BCL2L13: variants seen among roughly 807,000 people sequenced by gnomAD.
The protein encoded by BCL2L13 is bcl-2-like protein 13.
BCL2L13 carries 13 observed loss-of-function variants against 25.8 expected under a neutral mutation model. The observed-to-expected ratio is 0.50, with a 90% CI of 0.33 to 0.80. BCL2L13 has a LOEUF of 0.80. Among genes scored for constraint, BCL2L13 ranks in the 30% least tolerant of loss-of-function variants. The pLI, the probability that BCL2L13 is intolerant of heterozygous loss-of-function variation, is 0.02. For missense variants in BCL2L13, 504 were observed against 574.9 expected (o/e 0.88, Z 1.26); for synonymous variants, 244 against 230.3 (o/e 1.06, Z -0.54).
chr22:17,710,693 G>A (rs898048290), intron 6 of BCL2L13, among the ~76,000 whole-genome samples: 161 of 152,092 alleles, frequency 1.1e-3, no homozygotes, highest in Non-Finnish European at 2.0e-3. Flanking sequence ...TGGCTAACAC[G>A]GTGAAACCCC....
At chr22:17,693,324 T>TTTGGGGTAG (rs1189126070) in intron 4 of BCL2L13, among the ~76,000 whole-genome samples, 1 of 149,978 alleles carries the variant, frequency 6.7e-6, no homozygotes, top group African/African-American at 2.4e-5. Context: ...GAAAAATGCC[T>TTTGGGGTAG]TTGGGGTAGT....
intron 6 of BCL2L13, among the ~76,000 whole-genome samples, chr22:17,704,236 C>T (rs1211502395): frequency 6.6e-6 from 1 of 152,046 alleles, no homozygotes; most frequent in African/African-American, 2.4e-5. Context: ...CAGGTGTGTG[C>T]CACCATGACC....
intron 6 of BCL2L13, chr22:17,706,788 T>C (rs1442980895): frequency 1.5e-6 from 2 of 1,351,932 alleles, no homozygotes; most frequent in African/African-American, 3.0e-5. Context: ...GTTAGAAGTC[T>C]GTCTGTCTCC....
chr22:17,677,821 G>A (rs951474878), intron 2 of BCL2L13, among the ~76,000 whole-genome samples: 13 of 151,680 alleles, frequency 8.6e-5, no homozygotes, highest in African/African-American at 2.9e-4. Flanking sequence ...GCAGTGAGGC[G>A]AGATCGCGCC....
At chr22:17,629,073 A>G (rs1184818164) in intron 1 of BCL2L13, 2 of 165,368 alleles carry the variant, frequency 1.2e-5, no homozygotes, top group Admixed American at 1.2e-4. Context: ...GCTTAGGGGT[A>G]CATGATTGTT....
intron 5 of BCL2L13, among the ~76,000 whole-genome samples, chr22:17,700,369 G>C (rs1001370017): frequency 3.3e-5 from 5 of 152,096 alleles, no homozygotes; most frequent in Non-Finnish European, 7.4e-5. Flanking sequence ...TCTGCTTTTC[G>C]ATATATGAAA....
upstream of BCL2L13, chr22:17,638,747 G>A (rs932834121): frequency 8.1e-6 from 10 of 1,231,742 alleles, no homozygotes; most frequent in Non-Finnish European, 1.0e-5. Flanking sequence ...AGGCACGCCG[G>A]GGTGACCTCA....
intron 2 of BCL2L13, among the ~76,000 whole-genome samples, chr22:17,667,963 C>CTTT (rs71201863): frequency 6.6e-4 from 47 of 71,624 alleles, no homozygotes; most frequent in African/African-American, 1.1e-3. Flanking sequence ...TCCAGTTTGT[C>CTTT]TTTTTTTTTT....
At chr22:17,681,930 T>C (rs1487262467) in intron 2 of BCL2L13, among the ~76,000 whole-genome samples, 1 of 152,174 alleles carries the variant, frequency 6.6e-6, no homozygotes, top group Non-Finnish European at 1.5e-5. Flanking sequence ...AAAGGGTTGT[T>C]ATGAGCATTT....
intron 5 of BCL2L13, among the ~76,000 whole-genome samples, chr22:17,697,262 A>G (rs911460864): frequency 6.6e-6 from 1 of 152,098 alleles, no homozygotes. Flanking sequence ...AACGTGGAGA[A>G]TCGCCGTCTC....
intron 2 of BCL2L13, among the ~76,000 whole-genome samples, chr22:17,670,435 C>A (rs906096597): frequency 3.5e-5 from 5 of 143,880 alleles, no homozygotes; most frequent in African/African-American, 5.2e-5. Context: ...AGTGCAATGG[C>A]GTGATCTTGG....
At chr22:17,680,701 G>C (rs1016596213) in intron 2 of BCL2L13, among the ~76,000 whole-genome samples, 29 of 152,040 alleles carry the variant, frequency 1.9e-4, no homozygotes, top group South Asian at 4.2e-4. Context: ...GTGTGGGGTG[G>C]AGTGCAGACA....
chr22:17,700,633 C>T (rs1185255023), intron 5 of BCL2L13, among the ~76,000 whole-genome samples: 1 of 152,096 alleles, frequency 6.6e-6, no homozygotes, highest in Non-Finnish European at 1.5e-5. Flanking sequence ...AAAATATAAA[C>T]AGTTTTTTGT....
chr22:17,726,287 G>A (rs1182632822), intron 6 of BCL2L13, among the ~76,000 whole-genome samples: 1 of 151,596 alleles, frequency 6.6e-6, no homozygotes, highest in Non-Finnish European at 1.5e-5. Context: ...GGACGCGGAG[G>A]TTGCAGTGAG....
Position 17,727,462 on chromosome 22 carries a change from G to C in BCL2L13, c.1386G>C (p.Leu462=). The C allele has an allele frequency of 1.9e-6, 3 of 1,614,286 alleles. No individual in the cohort carries two copies. The highest frequency in any genetic ancestry group is 2.5e-6 in the Non-Finnish European group (3 of 1,180,056). Residue 462 remains leucine, a synonymous_variant, in exon 7 of 7, where the codon CTG becomes CTC. Coordinates refer to ENST00000317582, the MANE Select transcript of BCL2L13 (RefSeq NM_015367.4). Reference sequence around the variant, plus strand: ...TGTCTGAGGGCAAGTCTATACTGCTGTTTGGAGGGGCTGCTGCTGTTGCCA... The same window carrying C: ...TGTCTGAGGGCAAGTCTATACTGCTCTTTGGAGGGGCTGCTGCTGTTGCCA... ...MPLSEGKSIL[L]FGGAAAVAIL... is the part of the protein sequence containing the mutation.
At chr22:17,721,258 A>G (rs2061120356) in intron 6 of BCL2L13, among the ~76,000 whole-genome samples, 1 of 152,172 alleles carries the variant, frequency 6.6e-6, no homozygotes. Flanking sequence ...TCTTCACCTG[A>G]TTCAAATTGT....
At chr22:17,656,100 G>A (rs949996604) in intron 2 of BCL2L13, among the ~76,000 whole-genome samples, 16 of 151,548 alleles carry the variant, frequency 1.1e-4, no homozygotes, top group African/African-American at 3.6e-4. Context: ...AATTATTTGG[G>A]CATGGTGGCA....
At chr22:17,692,028 A>G (rs2060121906) in intron 4 of BCL2L13, among the ~76,000 whole-genome samples, 1 of 152,224 alleles carries the variant, frequency 6.6e-6, no homozygotes, top group Non-Finnish European at 1.5e-5. Flanking sequence ...GAAAATAACT[A>G]ATGGATGATA....
At chr22:17,656,335 CTTTTTTTTTTTT>C (rs890631679) in intron 2 of BCL2L13, among the ~76,000 whole-genome samples, 148 of 57,876 alleles carry the variant, frequency 2.6e-3, no homozygotes, top group African/African-American at 9.1e-3. Flanking sequence ...TCATTTTATT[CTTTTTTTTTTTT>C]TTTTTTTTTT....
Sources: gnomAD v4.1 joint callset for allele counts (sites outside exome capture counted in the v4.1 genomes callset) on GRCh38, gnomAD v4.1.1 for gene constraint, MANE v1.5 for transcripts, NCBI Gene and HGNC (gene_info 2026-07-23, HGNC 2026-07-21) for gene names.